The following KCNN2 variants were observed in gnomAD, a reference collection of about 807,000 sequenced individuals.
KCNN2 encodes small conductance calcium-activated potassium channel protein 2.
A neutral mutation model predicts 55.5 loss-of-function variants in KCNN2; 24 were observed. The ratio of observed to expected loss-of-function variants is 0.43; its 90% CI spans 0.31 to 0.61. KCNN2 has a LOEUF of 0.61. Ranked by LOEUF, KCNN2 falls within the 20% of genes least tolerant of loss-of-function variation. KCNN2 has a pLI of 0.08. For synonymous variants in KCNN2, 431 were observed against 336.1 expected, an observed-to-expected ratio of 1.28 and a Z score of -3.09; for missense variants, 754 against 853.6, an observed-to-expected ratio of 0.88 and a Z score of 1.45.
intron 2 of KCNN2, among the ~76,000 whole-genome samples, chr5:114,248,644 A>G (rs1754796570): frequency 6.6e-6 from 1 of 152,174 alleles, no homozygotes; most frequent in African/African-American, 2.4e-5. Flanking sequence ...ATTATTTCAA[A>G]TTTATTTACA....
chr5:114,142,246 A>C (rs1752299948), intron 1 of KCNN2, among the ~76,000 whole-genome samples: 1 of 152,132 alleles, frequency 6.6e-6, no homozygotes, highest in Non-Finnish European at 1.5e-5. Context: ...GTTTTCTTCT[A>C]GGGTTTTTAT....
intron 6 of KCNN2, among the ~76,000 whole-genome samples, chr5:114,490,965 A>G (rs1027353980): frequency 7.9e-5 from 12 of 152,166 alleles, no homozygotes; most frequent in African/African-American, 2.7e-4. Flanking sequence ...GGCTTTTTCT[A>G]TCAGCTCTCC....
chr5:114,244,202 T>C (rs1490021908), intron 2 of KCNN2, among the ~76,000 whole-genome samples: 1 of 152,066 alleles, frequency 6.6e-6, no homozygotes, highest in African/African-American at 2.4e-5. Context: ...AAGAGGAAGT[T>C]AGTGTAAATG....
intron 3 of KCNN2, among the ~76,000 whole-genome samples, chr5:114,462,278 C>A (rs529818457): frequency 6.6e-6 from 1 of 152,232 alleles, no homozygotes; most frequent in African/African-American, 2.4e-5. Flanking sequence ...TAAAAGCTTT[C>A]TTCCTTACCA....
intron 3 of KCNN2, among the ~76,000 whole-genome samples, chr5:114,455,374 C>T (rs1760871403): frequency 6.6e-6 from 1 of 152,072 alleles, no homozygotes; most frequent in Non-Finnish European, 1.5e-5. Flanking sequence ...TCTTGGGGTT[C>T]CATGAATCAA....
chr5:114,134,489 T>TTATTTATTTATA (rs1561489542), intron 1 of KCNN2, among the ~76,000 whole-genome samples: 1 of 150,026 alleles, frequency 6.7e-6, no homozygotes, highest in African/African-American at 2.5e-5. Flanking sequence ...ATTTATTTAT[T>TTATTTATTTATA]TATTTATTTA....
At chr5:114,336,263 A>G (rs951240222) in intron 2 of KCNN2, among the ~76,000 whole-genome samples, 1 of 152,262 alleles carries the variant, frequency 6.6e-6, no homozygotes, top group African/African-American at 2.4e-5. Flanking sequence ...GGACATCTTC[A>G]AGAAGAACAT....
At chr5:114,488,678 C>A (rs1038149196) in intron 6 of KCNN2, among the ~76,000 whole-genome samples, 1 of 152,114 alleles carries the variant, frequency 6.6e-6, no homozygotes, top group African/African-American at 2.4e-5. Flanking sequence ...AACCTATTTT[C>A]CTGTGGAACA....
intron 2 of KCNN2, among the ~76,000 whole-genome samples, chr5:114,340,751 T>C (rs1008033086): frequency 6.6e-6 from 1 of 152,112 alleles, no homozygotes; most frequent in African/African-American, 2.4e-5. Flanking sequence ...ACAGTATTAA[T>C]CACTATATCA....
At chr5:114,198,069 C>A (rs147122540) in intron 1 of KCNN2, among the ~76,000 whole-genome samples, 14 of 152,142 alleles carry the variant, frequency 9.2e-5, no homozygotes, top group East Asian at 3.9e-4. Flanking sequence ...CTCCTCCCCC[C>A]ACTTTTTAAG....
At chr5:114,220,124 G>A (rs780490658) in intron 1 of KCNN2, among the ~76,000 whole-genome samples, 5 of 152,128 alleles carry the variant, frequency 3.3e-5, no homozygotes, top group Non-Finnish European at 7.3e-5. Context: ...TAGAAAAACT[G>A]GCCGTGTAAA....
intron 1 of KCNN2, among the ~76,000 whole-genome samples, chr5:114,067,969 A>G (rs943669557): frequency 2.0e-5 from 3 of 152,238 alleles, no homozygotes; most frequent in Non-Finnish European, 4.4e-5. Context: ...TTAAAATAAA[A>G]TGGAAGGAAT....
intron 2 of KCNN2, among the ~76,000 whole-genome samples, chr5:114,345,846 G>A (rs1011654383): frequency 6.6e-6 from 1 of 152,034 alleles, no homozygotes; most frequent in Non-Finnish European, 1.5e-5. Context: ...AGTGGCACAA[G>A]CTTGGCTCAC....
chr5:114,073,878 A>G (rs1219251726), intron 1 of KCNN2, among the ~76,000 whole-genome samples: 1 of 152,234 alleles, frequency 6.6e-6, no homozygotes, highest in Non-Finnish European at 1.5e-5. Flanking sequence ...TACGCTTAAA[A>G]CTTGCTTTAG....
At chr5:114,114,318 T>C (rs1445652826) in intron 1 of KCNN2, among the ~76,000 whole-genome samples, 1 of 152,098 alleles carries the variant, frequency 6.6e-6, no homozygotes, top group Non-Finnish European at 1.5e-5. Context: ...AACCATGAAC[T>C]CCTGGGCTCA....
chr5:114,411,110 T>C (rs937631639), intron 3 of KCNN2, among the ~76,000 whole-genome samples: 1 of 152,182 alleles, frequency 6.6e-6, no homozygotes, highest in African/African-American at 2.4e-5. Flanking sequence ...GAATAGAGAC[T>C]TCAATTTCAG....
At chr5:114,461,136 C>G (rs1251448522) in intron 3 of KCNN2, among the ~76,000 whole-genome samples, 1 of 152,164 alleles carries the variant, frequency 6.6e-6, no homozygotes, top group Non-Finnish European at 1.5e-5. Flanking sequence ...CCAGAGCAGT[C>G]CACAGAATCC....
At chr5:114,066,736 C>T (rs942556277) in intron 1 of KCNN2, among the ~76,000 whole-genome samples, 12 of 152,024 alleles carry the variant, frequency 7.9e-5, no homozygotes, top group East Asian at 5.8e-4. Context: ...CACGCCACCA[C>T]GCCCAGCTAA....
chr5:114,229,348 C>T (rs1754308412), intron 2 of KCNN2, among the ~76,000 whole-genome samples: 1 of 151,402 alleles, frequency 6.6e-6, no homozygotes, highest in Non-Finnish European at 1.5e-5. Context: ...CAGTTTTTAA[C>T]TTAGTATTCA....
Sources: gnomAD v4.1 joint callset for allele counts (sites outside exome capture counted in the v4.1 genomes callset) on GRCh38, gnomAD v4.1.1 for gene constraint, MANE v1.5 for transcripts, NCBI Gene and HGNC (gene_info 2026-07-23, HGNC 2026-07-21) for gene names.